THOC1: variants seen among roughly 807,000 people sequenced by gnomAD.
The protein encoded by THOC1 is THO complex 1.
In THOC1, 29 loss-of-function variants were observed where a neutral mutation model predicts 97.3. That is an observed-to-expected ratio of 0.30 (90% CI 0.22 to 0.41). The LOEUF is 0.41. Ranked by LOEUF, THOC1 falls within the 10% of genes least tolerant of loss-of-function variation. The probability of loss-of-function intolerance (pLI) is 1.00; values close to 1 mark genes in which losing one functional copy is unlikely to be tolerated. For synonymous variants in THOC1, 255 were observed against 257.0 expected, an observed-to-expected ratio of 0.99 and a Z score of 0.07; for missense variants, 529 against 761.9, an observed-to-expected ratio of 0.69 and a Z score of 3.60.
chr18:260,278 CA>C lies in THOC1; in HGVS notation c.282del (p.Phe94LeufsTer51). Reference sequence around the variant, plus strand: ...CAATCCAAAACATCTCCCAACAATACAAAAGGTGTAGATGCGGTACAAATAC... The same window carrying C: ...CAATCCAAAACATCTCCCAACAATACAAAGGTGTAGATGCGGTACAAATAC... ...TEGICTASTPFVLLGDVLDCL... is the reference protein window; with the variant it reads ...TEGICTASTPXVLLGDVLDCL... On this transcript the variant is annotated frameshift_variant, in exon 5 of 21. Coordinates refer to ENST00000261600, the MANE Select transcript of THOC1 (RefSeq NM_005131.3). LOFTEE classifies it high-confidence loss of function. 1 of 1,591,288 alleles carries C rather than the reference CA, an allele frequency of 6.3e-7. No individual in the cohort carries two copies. The highest frequency in any genetic ancestry group is 1.8e-5 in the Admixed American group (1 of 55,926).
At position 254,444 on chromosome 18, in the gene THOC1, G is replaced by T; in HGVS notation, c.521-89C>A. 1 of 781,292 alleles carries T rather than the reference G, an allele frequency of 1.3e-6. No individual in the cohort carries two copies. Among genetic ancestry groups the T allele is most frequent in the Non-Finnish European group, 2.1e-6 (1 of 472,494 alleles). 48.4% of individuals were successfully genotyped at this position (781,292 alleles called of 1,614,324 possible). A position where few individuals can be genotyped will look rare whatever the true frequency, so the allele number is the denominator to read the frequency against. Reference sequence around the variant, plus strand: ...TGTGTCATAATCAAAACTACAAAATGCCAAATCCATAAAGAGCAGTCAAAA... The same window carrying T: ...TGTGTCATAATCAAAACTACAAAATTCCAAATCCATAAAGAGCAGTCAAAA... On this transcript the variant is annotated intron_variant, in intron 7 of 20. Coordinates refer to ENST00000261600, the MANE Select transcript of THOC1 (RefSeq NM_005131.3). The surrounding 1 kb of genome is among the most constrained non-coding windows in gnomAD (Gnocchi z 4.1).
intron 9 of THOC1, among the ~76,000 whole-genome samples, chr18:248,943 C>G (rs1400023009): frequency 7.2e-5 from 11 of 151,934 alleles, no homozygotes; most frequent in East Asian, 3.9e-4. Flanking sequence ...GTAGAGACAG[C>G]ATTTCACCGT....
chr18:255,128 C>T (rs1262423353), intron 7 of THOC1, among the ~76,000 whole-genome samples: 2 of 152,202 alleles, frequency 1.3e-5, no homozygotes, highest in African/African-American at 4.8e-5. Flanking sequence ...CTTGGGCCTC[C>T]TTATTCCCTG....
chr18:246,584 T>C, intron 10 of THOC1, 129 bp from the exon 11 acceptor site: 1 of 677,488 alleles, frequency 1.5e-6, no homozygotes, highest in Non-Finnish European at 2.4e-6. Context: ...CAAGGCACAC[T>C]AACAATACAA....
At position 224,012 on chromosome 18, in the gene THOC1, G is replaced by C. The variant is rs895600683; in HGVS notation, c.1304+72C>G. 6 of 1,092,052 alleles carry C rather than the reference G, an allele frequency of 5.5e-6. No homozygotes were observed. The East Asian group carries it at 7.8e-5, about 14-fold the overall frequency. The allele number at this position is 1,092,052 out of a possible 1,614,324, so 67.6% of individuals were successfully genotyped here. On this transcript the variant is annotated intron_variant, in intron 16 of 20. Transcript: ENST00000261600. ...AATCTCATACTATATTTTGGATGGA[G>C]AGTTCTTAAAGTAACATCTTCAAAA...
Position 259,220 on chromosome 18 carries a change from C to T in THOC1, c.480G>A (p.Gln160=). Residue 160 remains glutamine (Q), a synonymous_variant, in exon 7 of 21, where the codon CAG becomes CAA. Coordinates refer to ENST00000261600, the MANE Select transcript of THOC1 (RefSeq NM_005131.3). ...GAGGGAAAAGCCTGGCCAAAAAGAG[C>T]TGAATCCGTCCACAGAAGACTGTAT... ...SQNTVFCGRI[Q]LFLARLFPLS... 6.2e-7 allele frequency: 1 copy of T among 1,612,684 alleles called. No homozygotes were observed. The highest frequency in any genetic ancestry group is 8.5e-7 in the Non-Finnish European group (1 of 1,179,094).
At chr18:241,225 C>T (rs1459215056) in intron 11 of THOC1, among the ~76,000 whole-genome samples, 1 of 152,098 alleles carries the variant, frequency 6.6e-6, no homozygotes, top group Admixed American at 6.6e-5. Context: ...GAGGGTCTTG[C>T]TTCTGCCTTC....
intron 1 of THOC1, among the ~76,000 whole-genome samples, 174 bp from the exon 2 acceptor site, chr18:265,704 GATCCT>G (rs2143313062): frequency 6.6e-6 from 1 of 151,998 alleles, no homozygotes; most frequent in East Asian, 1.9e-4. Context: ...TCATGATACG[GATCCT>G]CATCACTTTA....
chr18:227,575 A>C (rs1911337258), intron 11 of THOC1, among the ~76,000 whole-genome samples: 1 of 149,338 alleles, frequency 6.7e-6, no homozygotes, highest in Non-Finnish European at 1.5e-5. Context: ...CAGAATCTGG[A>C]TTAGAAAGGA....
chr18:241,996 C>T (rs1911919889), intron 11 of THOC1, among the ~76,000 whole-genome samples: 1 of 152,190 alleles, frequency 6.6e-6, no homozygotes, highest in Admixed American at 6.5e-5. Context: ...AAAAAGGGAA[C>T]TATACTGTTG....
rs201435407 is a variant in THOC1, at chr18:265,445, T to C, written c.128+12A>G. Reference sequence around the variant, plus strand: ...TTGAGGCAAGTATTTTTCATAGATATCAATGCCTTACCTGCCAGGTACCTG... The same window carrying C: ...TTGAGGCAAGTATTTTTCATAGATACCAATGCCTTACCTGCCAGGTACCTG... On this transcript the variant is annotated intron_variant, in intron 2 of 20. Coordinates refer to ENST00000261600, the MANE Select transcript of THOC1 (RefSeq NM_005131.3). The C allele has an allele frequency of 3.8e-4, 610 of 1,592,086 alleles. No homozygotes were observed. Among genetic ancestry groups the C allele is most frequent in the Non-Finnish European group, 4.8e-4 (556 of 1,169,760 alleles).
intron 9 of THOC1, among the ~76,000 whole-genome samples, chr18:248,789 T>C (rs1466927760): frequency 6.6e-6 from 1 of 152,236 alleles, no homozygotes; most frequent in East Asian, 1.9e-4. Flanking sequence ...CTCACTCTGT[T>C]GCCCAGACTG....
chr18:266,146 T>C (rs116389620), intron 1 of THOC1, among the ~76,000 whole-genome samples: 2,589 of 152,332 alleles, frequency 0.017, 79 homozygotes, highest in African/African-American at 0.057. Context: ...TAGATTGTTT[T>C]AAAGTAATCA....
In THOC1 at chr18:214,835, C is replaced by G; in HGVS notation, c.1765G>C (p.Ala589Pro). The stretch of plus-strand genomic sequence containing the variant: ...GAGTCTTTCATTTCCAAGTAGGGAG[C>G]CAGAATCTTCCATTGTTCACCCAGC... ...NKLGEQWKILAPYLEMKDSEI... is the reference protein window; with the variant it reads ...NKLGEQWKILPPYLEMKDSEI... The change falls in exon 21 of 21, where the codon GCT becomes CCT. Residue 589 changes from alanine (A) to proline (P), a missense_variant. By Grantham distance (27) the Ala-to-Pro change is conservative (BLOSUM62 -1). This residue lies in a region of THOC1 where 98 missense variants were observed against 111.9 expected (regional missense o/e 0.88). Coordinates refer to ENST00000261600, the MANE Select transcript of THOC1 (RefSeq NM_005131.3). 6.2e-7 allele frequency: 1 copy of G among 1,613,880 alleles called. No homozygotes were observed. The highest frequency in any genetic ancestry group is 8.5e-7 in the Non-Finnish European group (1 of 1,179,826).
chr18:264,219 A>G, intron 3 of THOC1, 127 bp from the exon 4 acceptor site: 2 of 645,864 alleles, frequency 3.1e-6, no homozygotes, highest in Admixed American at 3.3e-5. Flanking sequence ...TTTCTTATAG[A>G]AAACAATATT....
intron 11 of THOC1, among the ~76,000 whole-genome samples, chr18:230,890 A>G (rs1159105683): frequency 6.6e-6 from 1 of 152,104 alleles, no homozygotes; most frequent in Non-Finnish European, 1.5e-5. Flanking sequence ...CATATGCCAC[A>G]ATGCCCAGCT....
chr18:236,350 C>CTTTTTTTTTTTT (rs71174215), intron 11 of THOC1, among the ~76,000 whole-genome samples: 1 of 88,374 alleles, frequency 1.1e-5, no homozygotes. Context: ...GAATAAGATT[C>CTTTTTTTTTTTT]TTTTTTTTTT....
chr18:265,575 A>C, intron 1 of THOC1, 45 bp from the exon 2 acceptor site: 1 of 1,449,766 alleles, frequency 6.9e-7, no homozygotes, highest in Non-Finnish European at 9.3e-7. Flanking sequence ...GATTTTGCTT[A>C]TTATTTGCTG....
chr18:234,473 T>G (rs4602115), intron 11 of THOC1, among the ~76,000 whole-genome samples: 32,756 of 152,232 alleles, frequency 0.22, 3,995 homozygotes, highest in South Asian at 0.35. Context: ...CTTTTTGTAT[T>G]GAATATTAGA....
Sources: allele counts gnomAD v4.1 joint callset (sites outside exome capture counted in the v4.1 genomes callset), GRCh38; gene constraint gnomAD v4.1.1; regional missense constraint gnomAD v4.1.1; non-coding constraint Gnocchi (gnomAD v3.1); transcripts MANE v1.5; gene names NCBI Gene and HGNC (gene_info 2026-07-23, HGNC 2026-07-21).